Variants in PCDH9 observed in about 807,000 individuals in gnomAD.
PCDH9 encodes the protein protocadherin 9, also known as protocadherin-9.
Under a neutral mutation model 70.6 loss-of-function variants are expected in PCDH9, and 24 were observed. The observed-to-expected ratio is 0.34, with a 90% CI of 0.25 to 0.48. PCDH9 has a LOEUF of 0.48. PCDH9 is among the 20% of genes least tolerant of loss of function. The pLI is 0.99. For synonymous variants in PCDH9, 562 were observed against 558.5 expected (o/e 1.01, Z -0.09); for missense variants, 1,281 against 1,503.6 (o/e 0.85, Z 2.45).
At chr13:66,845,357 T>C (rs1362744920) in intron 3 of PCDH9, among the ~76,000 whole-genome samples, 1 of 152,174 alleles carries the variant, frequency 6.6e-6, no homozygotes, top group African/African-American at 2.4e-5. Flanking sequence ...TGTGTTCACC[T>C]GGCCAGGTTG....
chr13:66,326,478 G>A (rs1223783619), intron 4 of PCDH9, among the ~76,000 whole-genome samples: 1 of 151,376 alleles, frequency 6.6e-6, no homozygotes, highest in Non-Finnish European at 1.5e-5. Flanking sequence ...GAGTGCAGTG[G>A]CGCGATCTCG....
chr13:66,614,627 C>T, intron 4 of PCDH9, among the ~76,000 whole-genome samples: 1 of 152,150 alleles, frequency 6.6e-6, no homozygotes, highest in South Asian at 2.1e-4. Flanking sequence ...TTTTCGAATA[C>T]TTCAGAGGGC....
At chr13:66,358,392 T>C (rs2138187762) in intron 4 of PCDH9, among the ~76,000 whole-genome samples, 1 of 152,008 alleles carries the variant, frequency 6.6e-6, no homozygotes, top group East Asian at 1.9e-4. Flanking sequence ...TATTGTTACA[T>C]CAAAATAAGA....
rs557654730 is a variant in PCDH9, at chr13:67,105,255, T to A, written c.3036+120150A>T. 1.3e-5 allele frequency among the ~76,000 whole-genome samples: 2 copies of A among 152,178 alleles called. 1 individual carries two copies. The highest frequency in any genetic ancestry group is 4.1e-4 in the South Asian group (2 of 4,826). On this transcript the variant is annotated intron_variant, in intron 2 of 4. Transcript: ENST00000377865. ...TAATATTTTTGTTCTAAGAATAAAA[T>A]CAGATAAAATGAAAAGCTTTTCTTA...
intron 3 of PCDH9, among the ~76,000 whole-genome samples, chr13:66,794,870 T>C (rs1047520408): frequency 1.3e-5 from 2 of 151,978 alleles, no homozygotes; most frequent in Non-Finnish European, 2.9e-5. Flanking sequence ...ATCTATAGTA[T>C]CTTTAATAAA....
intron 3 of PCDH9, among the ~76,000 whole-genome samples, chr13:66,778,622 C>G (rs1438866279): frequency 6.6e-6 from 1 of 152,152 alleles, no homozygotes; most frequent in Non-Finnish European, 1.5e-5. Flanking sequence ...GGTTATATAA[C>G]TAAATCAAGA....
At chr13:66,829,282 G>T (rs1014988437) in intron 3 of PCDH9, among the ~76,000 whole-genome samples, 1 of 152,168 alleles carries the variant, frequency 6.6e-6, no homozygotes, top group Non-Finnish European at 1.5e-5. Flanking sequence ...CTCCCAAAGT[G>T]TTGAGATTAC....
intron 4 of PCDH9, among the ~76,000 whole-genome samples, chr13:66,364,807 T>C (rs1956527092): frequency 6.6e-6 from 1 of 152,210 alleles, no homozygotes; most frequent in Non-Finnish European, 1.5e-5. Context: ...TTTTCTTGCA[T>C]TTTCTGCAGA....
chr13:66,928,734 T>C (rs2082756312), intron 2 of PCDH9, among the ~76,000 whole-genome samples: 1 of 152,122 alleles, frequency 6.6e-6, no homozygotes. Flanking sequence ...ATATTTCTGG[T>C]GCCTTAAATT....
intron 2 of PCDH9, among the ~76,000 whole-genome samples, chr13:67,193,581 A>G (rs1030214652): frequency 6.6e-6 from 1 of 152,176 alleles, no homozygotes; most frequent in Non-Finnish European, 1.5e-5. Flanking sequence ...ACTCTAAAAC[A>G]TGAGTTTTTC....
chr13:66,896,256 A>C (rs1336086352), intron 3 of PCDH9, among the ~76,000 whole-genome samples: 3 of 152,206 alleles, frequency 2.0e-5, no homozygotes, highest in Non-Finnish European at 4.4e-5. Flanking sequence ...ACGGGAACTC[A>C]ACTAAAAATG....
chr13:66,397,779 A>T (rs1431383966), intron 4 of PCDH9, among the ~76,000 whole-genome samples: 1 of 151,860 alleles, frequency 6.6e-6, no homozygotes, highest in Non-Finnish European at 1.5e-5. Context: ...ACTCAGCATC[A>T]TCTTTTATTC....
intron 4 of PCDH9, among the ~76,000 whole-genome samples, chr13:66,433,155 C>T (rs770761354): frequency 6.6e-6 from 1 of 152,034 alleles, no homozygotes; most frequent in Admixed American, 6.6e-5. Context: ...AATCAACACA[C>T]TTATTAAATG....
In PCDH9 at chr13:66,737,639, G is replaced by A. The variant is rs968189584; in HGVS notation, c.3139-106228C>T. Among the ~76,000 whole-genome samples the A allele has an allele frequency of 3.3e-5, 5 of 152,272 alleles. 1 individual carries two copies. The highest frequency in any genetic ancestry group is 4.1e-4 in the South Asian group (2 of 4,822). ...AGTGGGCGCAGGCCAGTGGGTGCGC[G>A]CACCGTGCACGAGCCGAAGCCGGGC... On this transcript the variant is annotated intron_variant, in intron 3 of 4. Transcript: ENST00000377865.
chr13:66,492,831 C>A (rs73511744), intron 4 of PCDH9, among the ~76,000 whole-genome samples: 1 of 151,942 alleles, frequency 6.6e-6, no homozygotes, highest in Non-Finnish European at 1.5e-5. Flanking sequence ...ATTTCTCTGG[C>A]GAATACATGA....
At chr13:67,030,819 A>C (rs1291003363) in intron 2 of PCDH9, among the ~76,000 whole-genome samples, 2 of 152,100 alleles carry the variant, frequency 1.3e-5, no homozygotes, top group East Asian at 3.9e-4. Flanking sequence ...TTCATTTTTG[A>C]CTATAAAGTA....
chr13:66,933,892 C>CAAAAA (rs10570715), intron 2 of PCDH9, among the ~76,000 whole-genome samples: 2 of 101,306 alleles, frequency 2.0e-5, no homozygotes, highest in African/African-American at 8.3e-5. Context: ...ATAAGCTAGG[C>CAAAAA]AAAAAAAAAA....
At chr13:67,138,829 A>G (rs1475886950) in intron 2 of PCDH9, among the ~76,000 whole-genome samples, 2 of 152,234 alleles carry the variant, frequency 1.3e-5, no homozygotes, top group African/African-American at 2.4e-5. Context: ...ATGTTAATAT[A>G]TTATTGAAAA....
chr13:66,380,425 G>T (rs1039499849), intron 4 of PCDH9, among the ~76,000 whole-genome samples: 7 of 151,478 alleles, frequency 4.6e-5, no homozygotes, highest in Admixed American at 4.6e-4. Context: ...AGGAACTTGT[G>T]AAGTGATAAG....
Sources: allele counts gnomAD v4.1 joint callset (sites outside exome capture counted in the v4.1 genomes callset), GRCh38; gene constraint gnomAD v4.1.1; transcripts MANE v1.5; gene names NCBI Gene and HGNC (gene_info 2026-07-23, HGNC 2026-07-21).